The following ZC3H12B variants were observed in gnomAD, a reference collection of about 807,000 sequenced individuals.
ZC3H12B encodes the protein probable ribonuclease ZC3H12B.
ZC3H12B carries 7 observed loss-of-function variants against 43.9 expected under a neutral mutation model. The observed-to-expected ratio is 0.16, with a 90% CI of 0.09 to 0.30. The LOEUF (loss-of-function observed/expected upper bound fraction) is 0.30, where lower values mean the gene tolerates loss of function less well. Ranked by LOEUF, ZC3H12B falls within the 10% of genes least tolerant of loss-of-function variation. The pLI is 1.00. For missense variants in ZC3H12B, 475 were observed against 670.2 expected, an observed-to-expected ratio of 0.71 and a Z score of 3.22; for synonymous variants, 222 against 241.7, an observed-to-expected ratio of 0.92 and a Z score of 0.76.
At chrX:65,130,521 G>A in the ZC3H12B span, among the ~76,000 whole-genome samples, 1 of 103,896 alleles carries the variant, frequency 9.6e-6, no homozygotes, top group Non-Finnish European at 2.1e-5. Context: ...TTGATGTGTA[G>A]GGAAGGGAGG....
chrX:65,107,018 A>G, the ZC3H12B span, among the ~76,000 whole-genome samples: 1 of 111,405 alleles, frequency 9.0e-6, no homozygotes, highest in African/African-American at 3.3e-5. Context: ...GGATACTCAC[A>G]TGAATGTAGG....
chrX:65,151,079 T>A, the ZC3H12B span, among the ~76,000 whole-genome samples: 4 of 112,510 alleles, frequency 3.6e-5, no homozygotes, highest in Non-Finnish European at 7.5e-5. Flanking sequence ...ATAATTTTGT[T>A]TTTATAACTA....
chrX:65,252,846 C>A, the ZC3H12B span, among the ~76,000 whole-genome samples: 1 of 111,877 alleles, frequency 8.9e-6, no homozygotes, highest in African/African-American at 3.2e-5. Flanking sequence ...CATAAATTCC[C>A]ATGATAAATT....
chrX:65,161,586 C>T, the ZC3H12B span, among the ~76,000 whole-genome samples: 1 of 111,143 alleles, frequency 9.0e-6, no homozygotes, highest in African/African-American at 3.3e-5. Context: ...GATTGCAACC[C>T]CTGCCTTTTT....
At chrX:65,175,390 G>A in the ZC3H12B span, among the ~76,000 whole-genome samples, 1 of 111,485 alleles carries the variant, frequency 9.0e-6, no homozygotes, top group South Asian at 3.7e-4. Context: ...TTTCCCCCAT[G>A]TCATGAAATT....
At chrX:65,408,860 G>C (rs1410051757) in intron 3 of ZC3H12B, among the ~76,000 whole-genome samples, 2 of 111,742 alleles carry the variant, frequency 1.8e-5, no homozygotes, top group Admixed American at 9.5e-5. Context: ...TAGATTTCTC[G>C]ATCTCGTTAG....
At chrX:65,080,767 C>T in the ZC3H12B span, among the ~76,000 whole-genome samples, 2 of 111,117 alleles carry the variant, frequency 1.8e-5, no homozygotes, top group African/African-American at 6.5e-5. Context: ...TGTTAATAAT[C>T]AAGTAATCAC....
chrX:65,123,101 A>G, the ZC3H12B span, among the ~76,000 whole-genome samples: 2 of 112,218 alleles, frequency 1.8e-5, no homozygotes, highest in Non-Finnish European at 3.8e-5. Flanking sequence ...GATACATCCC[A>G]TCAATGCCTA....
At chrX:65,091,726 AC>A in the ZC3H12B span, among the ~76,000 whole-genome samples, 15 of 112,051 alleles carry the variant, frequency 1.3e-4, no homozygotes, top group African/African-American at 2.9e-4. Context: ...TACAAAAAAA[AC>A]ATCTTAGCAG....
At chrX:65,105,834 G>T in the ZC3H12B span, among the ~76,000 whole-genome samples, 1 of 111,085 alleles carries the variant, frequency 9.0e-6, no homozygotes, top group Non-Finnish European at 1.9e-5. Flanking sequence ...GGCACTGTAT[G>T]CCTAAAGGGT....
chrX:65,054,718 A>T, the ZC3H12B span, among the ~76,000 whole-genome samples: 3 of 111,836 alleles, frequency 2.7e-5, no homozygotes, highest in Non-Finnish European at 5.6e-5. Context: ...GCTATCCATG[A>T]GCATGGAATG....
At chrX:65,270,297 C>A in the ZC3H12B span, among the ~76,000 whole-genome samples, 1 of 111,548 alleles carries the variant, frequency 9.0e-6, no homozygotes, top group African/African-American at 3.3e-5. Flanking sequence ...AGAGTGTTTT[C>A]AATAAATGGT....
chrX:65,044,755 T>G, the ZC3H12B span, among the ~76,000 whole-genome samples: 1 of 110,823 alleles, frequency 9.0e-6, no homozygotes, highest in African/African-American at 3.3e-5. Context: ...ATATTGCAGG[T>G]TCAGTTTCAG....
At chrX:65,297,158 C>G in the ZC3H12B span, among the ~76,000 whole-genome samples, 1 of 111,229 alleles carries the variant, frequency 9.0e-6, no homozygotes, top group Non-Finnish European at 1.9e-5. Flanking sequence ...AGCAATCAGA[C>G]AAGAGGTAGA....
the ZC3H12B span, among the ~76,000 whole-genome samples, chrX:65,036,122 A>G: frequency 8.9e-6 from 1 of 111,963 alleles, no homozygotes; most frequent in Non-Finnish European, 1.9e-5. Flanking sequence ...GATATTCTGG[A>G]CAAGGTGATT....
At chrX:65,252,450 G>T in the ZC3H12B span, among the ~76,000 whole-genome samples, 2 of 111,724 alleles carry the variant, frequency 1.8e-5, no homozygotes, top group Non-Finnish European at 3.8e-5. Context: ...CATTTTATCT[G>T]TATTAAAAAA....
At chrX:65,159,867 T>G in the ZC3H12B span, among the ~76,000 whole-genome samples, 1 of 111,884 alleles carries the variant, frequency 8.9e-6, no homozygotes, top group Non-Finnish European at 1.9e-5. Context: ...GCTTCCAGTT[T>G]TTGCCCATTC....
the ZC3H12B span, among the ~76,000 whole-genome samples, chrX:65,154,289 C>T: frequency 2.7e-5 from 3 of 111,722 alleles, no homozygotes; most frequent in Non-Finnish European, 5.7e-5. Context: ...ACACAAACAT[C>T]GTATACATCT....
the ZC3H12B span, among the ~76,000 whole-genome samples, chrX:65,066,636 T>C: frequency 8.9e-6 from 1 of 112,022 alleles, no homozygotes; most frequent in Non-Finnish European, 1.9e-5. Context: ...CCACTTGAGG[T>C]GGCAGTCTGT....
Sources: allele counts gnomAD v4.1 joint callset (sites outside exome capture counted in the v4.1 genomes callset), GRCh38; gene constraint gnomAD v4.1.1; transcripts MANE v1.5; gene names NCBI Gene and HGNC (gene_info 2026-07-23, HGNC 2026-07-21).